Variants in CASP6 observed in about 807,000 individuals in gnomAD.
The protein encoded by CASP6 is caspase 6, also known as caspase-6.
A neutral mutation model predicts 31.8 loss-of-function variants in CASP6; 20 were observed. The ratio of observed to expected loss-of-function variants is 0.63; its 90% CI spans 0.44 to 0.91. The LOEUF (loss-of-function observed/expected upper bound fraction) is 0.91, where lower values mean the gene tolerates loss of function less well. Among genes scored for constraint, CASP6 ranks in the 40% least tolerant of loss-of-function variants. The probability of loss-of-function intolerance (pLI) is 0.00; values close to 1 mark genes in which losing one functional copy is unlikely to be tolerated. For missense variants in CASP6, 328 were observed against 361.1 expected (o/e 0.91, Z 0.74); for synonymous variants, 130 against 127.8 (o/e 1.02, Z -0.12).
intron 6 of CASP6, among the ~76,000 whole-genome samples, chr4:109,690,261 C>A: frequency 6.7e-6 from 1 of 150,316 alleles, no homozygotes; most frequent in African/African-American, 2.5e-5. Context: ...CACGCACGCA[C>A]GCAATGGCTC....
downstream of CASP6, chr4:109,688,399 G>A (rs1418905663): frequency 6.6e-6 from 1 of 152,164 alleles, no homozygotes; most frequent in East Asian, 1.9e-4. Flanking sequence ...ATCAGATTTT[G>A]CAGGTGTTCA....
downstream of CASP6, chr4:109,688,498 A>C (rs920140673): frequency 6.6e-6 from 1 of 152,244 alleles, no homozygotes; most frequent in Non-Finnish European, 1.5e-5. Context: ...TAAAGTAGGA[A>C]TTAAAGTCAT....
Position 109,703,396 on chromosome 4 carries a change from TGCAGCCAAACGC to T in CASP6, c.-13_-2del. 1 of 1,611,876 alleles carries T rather than the reference TGCAGCCAAACGC, an allele frequency of 6.2e-7. No homozygotes were observed. The highest frequency in any genetic ancestry group is 8.5e-7 in the Non-Finnish European group (1 of 1,179,266). On this transcript the variant is annotated 5_prime_UTR_variant, in exon 1 of 7. Transcript: ENST00000265164. ...TGCGGAGCCCCGAGGCCGAGCTCAT[TGCAGCCAAACGC>T]GCAGCCAGACACCTTGCCCTCCTCT...
chr4:109,672,514 T>C, the CASP6 span, among the ~76,000 whole-genome samples: 11 of 152,188 alleles, frequency 7.2e-5, 1 homozygote, highest in Non-Finnish European at 1.6e-4. Context: ...TTATAGACTG[T>C]TAAGGGTAGG....
the CASP6 span, chr4:109,673,803 G>A: frequency 3.0e-6 from 2 of 658,348 alleles, no homozygotes; most frequent in African/African-American, 3.6e-5. Context: ...TGGCGGGTGA[G>A]AGGTTTTTTC....
the CASP6 span, among the ~76,000 whole-genome samples, chr4:109,679,479 C>T: frequency 1.3e-5 from 2 of 152,156 alleles, no homozygotes; most frequent in East Asian, 1.9e-4. Flanking sequence ...AACCCCGTCT[C>T]CACCAAAAAT....
At chr4:109,705,974 TAAAA>T (rs59584573), upstream of CASP6, among the ~76,000 whole-genome samples, 275 of 29,336 alleles carry the variant, frequency 9.4e-3, 3 homozygotes, top group African/African-American at 0.021. Context: ...AGACACTCTT[TAAAA>T]AAAAAAAAAA....
At chr4:109,707,015 A>G (rs1435516373), upstream of CASP6, among the ~76,000 whole-genome samples, 1 of 152,198 alleles carries the variant, frequency 6.6e-6, no homozygotes, top group Non-Finnish European at 1.5e-5. Context: ...AGCCCTCAAC[A>G]ATACCCCACA....
At chr4:109,699,518 T>C (rs925401184) in intron 1 of CASP6, among the ~76,000 whole-genome samples, 3 of 152,220 alleles carry the variant, frequency 2.0e-5, no homozygotes, top group Non-Finnish European at 4.4e-5. Context: ...GCATCCTCTG[T>C]CTGTACGCCC....
chr4:109,675,020 G>T, the CASP6 span, among the ~76,000 whole-genome samples: 1 of 152,070 alleles, frequency 6.6e-6, no homozygotes, highest in Non-Finnish European at 1.5e-5. Flanking sequence ...AAATTCTCTT[G>T]TCTCATCTGA....
At chr4:109,672,214 C>A in the CASP6 span, among the ~76,000 whole-genome samples, 1 of 152,154 alleles carries the variant, frequency 6.6e-6, no homozygotes, top group Non-Finnish European at 1.5e-5. Context: ...TTCTCCAAGC[C>A]AGATAAGGCT....
chr4:109,702,366 G>T (rs1358141060), intron 1 of CASP6, among the ~76,000 whole-genome samples: 1 of 140,948 alleles, frequency 7.1e-6, no homozygotes, highest in Non-Finnish European at 1.5e-5. Flanking sequence ...GTCTCACTCT[G>T]TCGCCGAGGT....
chr4:109,674,579 A>G, the CASP6 span, among the ~76,000 whole-genome samples: 5 of 152,254 alleles, frequency 3.3e-5, no homozygotes, highest in Non-Finnish European at 5.9e-5. Flanking sequence ...CAAAAAGTGC[A>G]TGGAATATAA....
At chr4:109,669,563 A>G in the CASP6 span, among the ~76,000 whole-genome samples, 1 of 151,974 alleles carries the variant, frequency 6.6e-6, no homozygotes, top group Non-Finnish European at 1.5e-5. Context: ...GCTATCTGAC[A>G]TTAGTTTGGG....
At chr4:109,675,668 G>A in the CASP6 span, among the ~76,000 whole-genome samples, 1 of 152,336 alleles carries the variant, frequency 6.6e-6, no homozygotes, top group African/African-American at 2.4e-5. Context: ...CCAGTGTTGT[G>A]GTGTTGGGAT....
chr4:109,708,797 GAT>G, the CASP6 span, among the ~76,000 whole-genome samples: 2 of 151,988 alleles, frequency 1.3e-5, no homozygotes, highest in African/African-American at 4.8e-5. Flanking sequence ...ATTCACCACT[GAT>G]CAGGATTTTG....
At chr4:109,693,854 T>G (rs1730155589) in intron 5 of CASP6, among the ~76,000 whole-genome samples, 1 of 151,462 alleles carries the variant, frequency 6.6e-6, no homozygotes, top group African/African-American at 2.4e-5. Flanking sequence ...TTCTCATGCC[T>G]CAGCTTCCCG....
At chr4:109,685,064 G>A (rs147731876), downstream of CASP6, 121 of 456,020 alleles carry the variant, frequency 2.7e-4, no homozygotes, top group East Asian at 4.0e-3. Flanking sequence ...TTTGAAAGGA[G>A]CAGCAGATCT....
chr4:109,668,838 C>A, the CASP6 span, among the ~76,000 whole-genome samples: 1 of 151,838 alleles, frequency 6.6e-6, no homozygotes, highest in Non-Finnish European at 1.5e-5. Flanking sequence ...TAAGAGTTTG[C>A]AATATACATT....
Sources: allele counts gnomAD v4.1 joint callset (sites outside exome capture counted in the v4.1 genomes callset), GRCh38; gene constraint gnomAD v4.1.1; transcripts MANE v1.5; gene names NCBI Gene and HGNC (gene_info 2026-07-23, HGNC 2026-07-21).